HOXB3: variants seen among roughly 807,000 people sequenced by gnomAD.
HOXB3 encodes homeobox B3.
HOXB3 carries 17 observed loss-of-function variants against 29.2 expected under a neutral mutation model. That is an observed-to-expected ratio of 0.58 (90% CI 0.40 to 0.87). The LOEUF is 0.87. Ranked by LOEUF, HOXB3 falls within the 40% of genes least tolerant of loss-of-function variation. The pLI, the probability that HOXB3 is intolerant of heterozygous loss-of-function variation, is 0.00. For missense variants in HOXB3, 637 were observed against 616.3 expected (o/e 1.03, Z -0.35); for synonymous variants, 317 against 285.9 (o/e 1.11, Z -1.10).
Position 48,550,234 on chromosome 17 carries a change from A to G in HOXB3, c.*100T>C. 1 of 1,512,396 alleles carries G rather than the reference A, an allele frequency of 6.6e-7. No individual in the cohort carries two copies. The highest frequency in any genetic ancestry group is 8.9e-7 in the Non-Finnish European group (1 of 1,117,486). 93.7% of individuals were successfully genotyped at this position (1,512,396 alleles called of 1,614,324 possible). A position where few individuals can be genotyped will look rare whatever the true frequency, so the allele number is the denominator to read the frequency against. Reference sequence around the variant, plus strand: ...GTTCTGACCAGGAAGCCTGGGTACCACCTTCTCTGGCTCCTCTTTTCAGAC... The same window carrying G: ...GTTCTGACCAGGAAGCCTGGGTACCGCCTTCTCTGGCTCCTCTTTTCAGAC... On this transcript the variant is annotated 3_prime_UTR_variant, in exon 5 of 5. Transcript: ENST00000498678.
At chr17:48,570,797 C>T (rs527664239) in intron 2 of HOXB3, among the ~76,000 whole-genome samples, 76 of 152,228 alleles carry the variant, frequency 5.0e-4, no homozygotes, top group Non-Finnish European at 9.7e-4. Flanking sequence ...AGATACAAAA[C>T]ACAGACTGGT....
chr17:48,589,461 G>C (rs1024018005), intron 1 of HOXB3, among the ~76,000 whole-genome samples: 1 of 151,948 alleles, frequency 6.6e-6, no homozygotes, highest in African/African-American at 2.4e-5. Context: ...ATCCTACTTC[G>C]AGCCAAGGAG....
intron 3 of HOXB3, 162 bp downstream of exon 3, chr17:48,555,357 AGAGAGAGGGAGG>A (rs1207470982): frequency 4.8e-4 from 211 of 439,536 alleles, no homozygotes; most frequent in Admixed American, 8.8e-4. Flanking sequence ...AGAGAGAGAG[AGAGAGAGGGAGG>A]GAGGGAGGGA....
At chr17:48,570,464 G>T (rs1307409555) in intron 2 of HOXB3, among the ~76,000 whole-genome samples, 1 of 152,214 alleles carries the variant, frequency 6.6e-6, no homozygotes, top group African/African-American at 2.4e-5. Context: ...GAGGCAGCCA[G>T]GACCACAGCC....
chr17:48,555,845 C>T (rs2068967202), intron 2 of HOXB3, among the ~76,000 whole-genome samples: 1 of 152,180 alleles, frequency 6.6e-6, no homozygotes, highest in Admixed American at 6.5e-5. Flanking sequence ...CCGGGCGGCT[C>T]AGCTCGCCAG....
At chr17:48,555,702 G>A in intron 2 of HOXB3, 84 bp from the exon 3 acceptor site, 2 of 538,620 alleles carry the variant, frequency 3.7e-6, no homozygotes, top group Non-Finnish European at 3.5e-6. Flanking sequence ...AGCCACCCCG[G>A]CTGGGGAGCC....
rs774209087 is a variant in HOXB3, at chr17:48,573,845, C to A, written c.-255G>T. 11 of 702,152 alleles carry A rather than the reference C, an allele frequency of 1.6e-5. No homozygotes were observed. Among genetic ancestry groups the A allele is most frequent in the Non-Finnish European group, 2.6e-5 (10 of 384,812 alleles). 43.5% of individuals were successfully genotyped at this position (702,152 alleles called of 1,614,324 possible). The stretch of plus-strand genomic sequence containing the variant: ...GGCCCGGGCTTTGTTACCTTTGCGC[C>A]TCTCGCCTCCTCTCGCCCGAACTCT... On this transcript the variant is annotated 5_prime_UTR_variant, in exon 2 of 5. It adds an upstream start codon to the 5' untranslated region. Coordinates refer to ENST00000498678, the MANE Select transcript of HOXB3 (RefSeq NM_001384749.1).
intron 1 of HOXB3, among the ~76,000 whole-genome samples, chr17:48,582,789 G>A (rs1432558888): frequency 3.3e-5 from 5 of 152,182 alleles, no homozygotes; most frequent in African/African-American, 1.2e-4. Flanking sequence ...AGTCCCATTC[G>A]GATAGGAGTC....
intron 1 of HOXB3, chr17:48,578,861 G>T (rs1173599357): frequency 6.5e-6 from 1 of 153,226 alleles, no homozygotes; most frequent in Non-Finnish European, 1.5e-5. Flanking sequence ...TTACTGGCGG[G>T]TTGGGGGCTC....
chr17:48,569,439 C>T (rs529574655), intron 2 of HOXB3, among the ~76,000 whole-genome samples: 2 of 150,306 alleles, frequency 1.3e-5, no homozygotes, highest in Admixed American at 1.3e-4. Flanking sequence ...TCCTCTCTCC[C>T]TTCTCCTCCT....
intron 3 of HOXB3, chr17:48,553,057 C>G (rs2068828368): frequency 6.6e-6 from 1 of 152,390 alleles, no homozygotes; most frequent in African/African-American, 2.4e-5. Flanking sequence ...TGCCTCCTTC[C>G]AAGTCGGTTT....
intron 1 of HOXB3, chr17:48,577,161 C>T (rs2069793110): frequency 1.2e-6 from 1 of 841,552 alleles, no homozygotes; most frequent in African/African-American, 1.7e-5. Context: ...CGGGGAAAAA[C>T]GAAAAGGGAA....
intron 2 of HOXB3, among the ~76,000 whole-genome samples, chr17:48,571,209 G>T (rs911939959): frequency 2.6e-5 from 4 of 152,226 alleles, no homozygotes; most frequent in Admixed American, 2.6e-4. Flanking sequence ...ATTGATTTAC[G>T]AATCTGAACG....
chr17:48,555,080 A>C (rs1597817338), intron 3 of HOXB3, among the ~76,000 whole-genome samples: 1 of 151,290 alleles, frequency 6.6e-6, no homozygotes, highest in Non-Finnish European at 1.5e-5. Context: ...CAAGAACCCC[A>C]CCTTGCCAAG....
chr17:48,550,698 G>A lies in HOXB3; in HGVS notation c.932C>T (p.Pro311Leu), dbSNP rs367707640. Residue 311 changes from proline to leucine, a missense_variant, in exon 5 of 5, where the codon CCT (proline) becomes CTT (leucine). Physicochemically the swap from Pro to Leu is moderately conservative, Grantham distance 98 (BLOSUM62 -3). Coordinates refer to ENST00000498678, the MANE Select transcript of HOXB3 (RefSeq NM_001384749.1). Reference sequence around the variant, plus strand: ...CTGCGGGGCGCCGCAGCCTTTGAGAGGGGGCTGGTAGTTGGAGGGCAGCGC... The same window carrying A: ...CTGCGGGGCGCCGCAGCCTTTGAGAAGGGGCTGGTAGTTGGAGGGCAGCGC... ...AYALPSNYQP[P>L]LKGCGAPQKY... is the part of the protein sequence containing the mutation. The A allele has an allele frequency of 4.5e-6, 7 of 1,540,208 alleles. No individual in the cohort carries two copies. The highest frequency in any genetic ancestry group is 1.4e-5 in the African/African-American group (1 of 72,580).
At chr17:48,563,043 C>T (rs1376813674) in intron 2 of HOXB3, among the ~76,000 whole-genome samples, 1 of 152,200 alleles carries the variant, frequency 6.6e-6, no homozygotes, top group Non-Finnish European at 1.5e-5. Flanking sequence ...ACGGATCTCC[C>T]CGATCTTCCC....
In HOXB3 at chr17:48,554,986, A is replaced by G. The variant is rs2068905862; in HGVS notation, c.-159+545T>C. The G allele has an allele frequency of 2.2e-6, 1 of 451,834 alleles. No homozygotes were observed. The highest frequency in any genetic ancestry group is 2.0e-5 in the African/African-American group (1 of 49,230). 28.0% of individuals were successfully genotyped at this position (451,834 alleles called of 1,614,324 possible). A position where few individuals can be genotyped will look rare whatever the true frequency, so the allele number is the denominator to read the frequency against. ...CATGTTGGAAAAATTCAGGTTCCATATGGCTCCTCGGGAGGGAGGGAGGGA... is the reference window on the plus strand; with the variant it reads ...CATGTTGGAAAAATTCAGGTTCCATGTGGCTCCTCGGGAGGGAGGGAGGGA... On this transcript the variant is annotated intron_variant, in intron 3 of 4. Coordinates refer to ENST00000498678, the MANE Select transcript of HOXB3 (RefSeq NM_001384749.1). This position sits in a 1 kb window ranked among gnomAD's most constrained non-coding sequence, Gnocchi z 4.1.
intron 3 of HOXB3, 85 bp downstream of exon 3, chr17:48,555,446 C>T (rs574743541): frequency 2.9e-6 from 2 of 694,208 alleles, no homozygotes; most frequent in Non-Finnish European, 5.3e-6. Flanking sequence ...CTTCTTGAAC[C>T]GAGATTGGAG....
chr17:48,563,775 A>C (rs184485946), intron 2 of HOXB3, among the ~76,000 whole-genome samples: 2 of 152,288 alleles, frequency 1.3e-5, no homozygotes, highest in East Asian at 3.9e-4. Flanking sequence ...TTTGCCTTCA[A>C]ATAACCCGCT....
Sources: gnomAD v4.1 joint callset for allele counts (sites outside exome capture counted in the v4.1 genomes callset) on GRCh38, gnomAD v4.1.1 for gene constraint, Gnocchi (gnomAD v3.1) non-coding constraint, MANE v1.5 for transcripts, NCBI Gene and HGNC (gene_info 2026-07-23, HGNC 2026-07-21) for gene names.